MYO3B: variants seen among roughly 807,000 people sequenced by gnomAD.
MYO3B encodes the protein myosin-IIIb.
Under a neutral mutation model 174.6 loss-of-function variants are expected in MYO3B, and 156 were observed. The ratio of observed to expected loss-of-function variants is 0.89; its 90% confidence interval spans 0.78 to 1.02. The LOEUF is 1.02. Among genes scored for constraint, MYO3B ranks in the 50% least tolerant of loss-of-function variants. The probability of loss-of-function intolerance (pLI) is 0.00; values close to 1 mark genes in which losing one functional copy is unlikely to be tolerated. For synonymous variants in MYO3B, 563 were observed against 569.1 expected, an observed-to-expected ratio of 0.99 and a Z score of 0.15; for missense variants, 1,632 against 1,639.4, an observed-to-expected ratio of 1.00 and a Z score of 0.08.
chr2:170,516,068 T>A (rs1688287362), intron 29 of MYO3B, among the ~76,000 whole-genome samples: 1 of 152,100 alleles, frequency 6.6e-6, no homozygotes, highest in Admixed American at 6.5e-5. Context: ...TCCTCCAGTA[T>A]AGGAAGTCAC....
chr2:170,214,043 A>G (rs755299551), intron 3 of MYO3B, among the ~76,000 whole-genome samples: 10 of 152,194 alleles, frequency 6.6e-5, no homozygotes, highest in Admixed American at 1.3e-4. Context: ...TGCCATTATT[A>G]TTTATATGCT....
intron 7 of MYO3B, among the ~76,000 whole-genome samples, chr2:170,249,971 T>C (rs1314921843): frequency 6.6e-6 from 1 of 152,200 alleles, no homozygotes; most frequent in Non-Finnish European, 1.5e-5. Context: ...TCTCCTCCTA[T>C]GACAAGCTCT....
chr2:170,435,030 T>C (rs961050235), intron 22 of MYO3B, among the ~76,000 whole-genome samples: 1 of 152,236 alleles, frequency 6.6e-6, no homozygotes, highest in Admixed American at 6.5e-5. Flanking sequence ...TTTTGTTAGC[T>C]ACAGTGTTAT....
intron 7 of MYO3B, among the ~76,000 whole-genome samples, chr2:170,326,126 A>G (rs890510241): frequency 1.3e-5 from 2 of 151,176 alleles, no homozygotes; most frequent in African/African-American, 4.9e-5. Context: ...CACCACACAT[A>G]TAAAGCTTTT....
intron 6 of MYO3B, among the ~76,000 whole-genome samples, chr2:170,228,960 C>T (rs796723224): frequency 4.1e-5 from 4 of 98,318 alleles, no homozygotes; most frequent in African/African-American, 1.4e-4. Flanking sequence ...ATTCCCTTTA[C>T]AAAAAAAAAA....
chr2:170,493,765 C>T (rs758397908), intron 25 of MYO3B, among the ~76,000 whole-genome samples: 6 of 150,460 alleles, frequency 4.0e-5, no homozygotes, highest in African/African-American at 7.3e-5. Flanking sequence ...AACCCCAAGA[C>T]GCTTTGTTCT....
intron 6 of MYO3B, among the ~76,000 whole-genome samples, chr2:170,229,197 A>G (rs890767835): frequency 6.6e-6 from 1 of 152,234 alleles, no homozygotes; most frequent in East Asian, 1.9e-4. Flanking sequence ...ACATTTATCA[A>G]TTATGCTGCA....
intron 32 of MYO3B, among the ~76,000 whole-genome samples, chr2:170,624,880 A>G (rs142124706): frequency 0.13 from 19,835 of 151,982 alleles, 1,449 homozygotes; most frequent in East Asian, 0.31. Flanking sequence ...ATTGATTTTC[A>G]TATGTTGAAC....
chr2:170,533,271 C>A (rs911465748), intron 30 of MYO3B, among the ~76,000 whole-genome samples: 1 of 152,282 alleles, frequency 6.6e-6, no homozygotes. Flanking sequence ...CCTCCTCTCA[C>A]GCCCCCTCCC....
At chr2:170,581,406 TCTC>T (rs1693142650) in intron 32 of MYO3B, among the ~76,000 whole-genome samples, 1 of 152,202 alleles carries the variant, frequency 6.6e-6, no homozygotes, top group Admixed American at 6.5e-5. Flanking sequence ...GCAAATATAT[TCTC>T]CTAGCCTGTG....
chr2:170,331,589 G>T (rs557047116), intron 7 of MYO3B, among the ~76,000 whole-genome samples: 2 of 152,172 alleles, frequency 1.3e-5, no homozygotes, highest in African/African-American at 4.8e-5. Flanking sequence ...ACACAAATTT[G>T]TTATCTTATG....
In MYO3B at chr2:170,458,611, T is replaced by C. The variant is rs1400169641; in HGVS notation, c.2731-4757T>C. 3.3e-5 allele frequency among the ~76,000 whole-genome samples: 5 copies of C among 152,318 alleles called. No homozygotes were observed. The East Asian group carries it at 9.6e-4, about 29-fold the overall frequency. The stretch of plus-strand genomic sequence containing the variant: ...TTAAATGATGCTACTACTACTATAA[T>C]GAAATTAGCTCAGGAAGACAAACTC... On this transcript the variant is annotated intron_variant, in intron 23 of 34. Coordinates refer to ENST00000408978, the MANE Select transcript of MYO3B (RefSeq NM_138995.5).
At chr2:170,536,814 T>C (rs1411044284) in intron 30 of MYO3B, among the ~76,000 whole-genome samples, 5 of 152,222 alleles carry the variant, frequency 3.3e-5, no homozygotes, top group African/African-American at 1.2e-4. Context: ...TTCTATTATC[T>C]CTTATGGTAA....
Position 170,562,599 on chromosome 2 carries a change from A to T in MYO3B, c.3733+18611A>T, listed in dbSNP as rs141596579. On this transcript the variant is annotated intron_variant, in intron 32 of 34. Transcript: ENST00000408978. ...AAAGATGAGTAAGTTGAGTCAAATCATGCATGAATTTCCTAAAGTCACATG... is the reference window on the plus strand; with the variant it reads ...AAAGATGAGTAAGTTGAGTCAAATCTTGCATGAATTTCCTAAAGTCACATG... Among the ~76,000 whole-genome samples, 372 of 152,326 alleles carry T rather than the reference A, an allele frequency of 2.4e-3. 6 individuals carry two copies. Among genetic ancestry groups the T allele is most frequent in the East Asian group, 1.3e-3 (7 of 5,192 alleles).
At chr2:170,537,391 TTTTACTG>T (rs1689780911) in intron 30 of MYO3B, among the ~76,000 whole-genome samples, 1 of 149,522 alleles carries the variant, frequency 6.7e-6, no homozygotes, top group Non-Finnish European at 1.5e-5. Flanking sequence ...TGCAGAGTGG[TTTTACTG>T]CTGCTTCTTG....
chr2:170,511,140 A>C (rs1687955636), intron 28 of MYO3B, among the ~76,000 whole-genome samples: 1 of 151,668 alleles, frequency 6.6e-6, no homozygotes, highest in South Asian at 2.1e-4. Flanking sequence ...GCTCACTGCA[A>C]ACTCCGCCTC....
intron 16 of MYO3B, among the ~76,000 whole-genome samples, chr2:170,395,423 G>A (rs892670335): frequency 2.6e-5 from 4 of 152,290 alleles, no homozygotes; most frequent in South Asian, 4.1e-4. Context: ...AAGATTGGAC[G>A]TACACTATAG....
chr2:170,456,142 G>A (rs1020912973), intron 23 of MYO3B, among the ~76,000 whole-genome samples: 2 of 152,164 alleles, frequency 1.3e-5, no homozygotes, highest in African/African-American at 4.8e-5. Flanking sequence ...AGAGGGAGAT[G>A]GAGAAGTGTG....
intron 32 of MYO3B, among the ~76,000 whole-genome samples, chr2:170,571,439 G>T (rs2106278738): frequency 6.6e-6 from 1 of 152,286 alleles, no homozygotes; most frequent in African/African-American, 2.4e-5. Flanking sequence ...CTGAGGAATG[G>T]CAGGAGATGA....
Sources: gnomAD v4.1 joint callset for allele counts (sites outside exome capture counted in the v4.1 genomes callset) on GRCh38, gnomAD v4.1.1 for gene constraint, MANE v1.5 for transcripts, NCBI Gene and HGNC (gene_info 2026-07-23, HGNC 2026-07-21) for gene names.